The following TP63 variants were observed in gnomAD, a reference collection of about 807,000 sequenced individuals.
TP63 encodes the protein tumor protein 63.
A neutral mutation model predicts 82.8 loss-of-function variants in TP63; 17 were observed. The ratio of observed to expected loss-of-function variants is 0.21; its 90% CI spans 0.14 to 0.31. The LOEUF (loss-of-function observed/expected upper bound fraction) is 0.31. Among genes scored for constraint, TP63 ranks in the 10% least tolerant of loss-of-function variants. The probability of loss-of-function intolerance (pLI) is 1.00; values close to 1 mark genes in which losing one functional copy is unlikely to be tolerated. For synonymous variants in TP63, 330 were observed against 321.7 expected, an observed-to-expected ratio of 1.03 and a Z score of -0.28; for missense variants, 648 against 895.3, an observed-to-expected ratio of 0.72 and a Z score of 3.52.
At chr3:189,861,941 T>C (rs1717096953) in intron 4 of TP63, among the ~76,000 whole-genome samples, 1 of 152,226 alleles carries the variant, frequency 6.6e-6, no homozygotes, top group Non-Finnish European at 1.5e-5. Context: ...AATTATCTGT[T>C]ATCTACAATT....
At chr3:189,771,362 T>TTA (rs1282936773) in intron 3 of TP63, among the ~76,000 whole-genome samples, 62 of 136,614 alleles carry the variant, frequency 4.5e-4, no homozygotes, top group African/African-American at 1.6e-3. Flanking sequence ...ATTAAATATA[T>TTA]AATATATTCA....
At chr3:189,806,001 G>A (rs1726844861) in intron 3 of TP63, among the ~76,000 whole-genome samples, 1 of 142,052 alleles carries the variant, frequency 7.0e-6, no homozygotes, top group Non-Finnish European at 1.5e-5. Flanking sequence ...TGGATCTCCT[G>A]CTGTTCAGAA....
At chr3:189,659,070 A>T (rs74993514) in intron 1 of TP63, among the ~76,000 whole-genome samples, 253 of 152,138 alleles carry the variant, frequency 1.7e-3, no homozygotes, top group African/African-American at 5.8e-3. Context: ...ATTTTTAATT[A>T]TTTCAACTTT....
At chr3:189,729,817 G>A (rs1720030799) in intron 1 of TP63, among the ~76,000 whole-genome samples, 1 of 152,106 alleles carries the variant, frequency 6.6e-6, no homozygotes, top group Non-Finnish European at 1.5e-5. Flanking sequence ...TCAAGTTTAT[G>A]AATAAATTTA....
chr3:189,886,785 A>C (rs1024847882), intron 11 of TP63, among the ~76,000 whole-genome samples: 1 of 152,128 alleles, frequency 6.6e-6, no homozygotes. Flanking sequence ...TGTAGGGATA[A>C]GGATTTCTGT....
chr3:189,741,371 T>A (rs1720974945), intron 3 of TP63, among the ~76,000 whole-genome samples: 1 of 152,186 alleles, frequency 6.6e-6, no homozygotes, highest in Non-Finnish European at 1.5e-5. Context: ...ACCCAGGATG[T>A]TAATAGCTAG....
At chr3:189,608,118 C>CA in the TP63 span, among the ~76,000 whole-genome samples, 1 of 152,040 alleles carries the variant, frequency 6.6e-6, no homozygotes, top group Non-Finnish European at 1.5e-5. Context: ...TGGAGGTAAT[C>CA]AAATTTCAGT....
At chr3:189,659,219 A>G (rs1263559094) in intron 1 of TP63, among the ~76,000 whole-genome samples, 1 of 151,582 alleles carries the variant, frequency 6.6e-6, no homozygotes, top group Admixed American at 6.6e-5. Context: ...CTCATTCCCC[A>G]CTCTAGTAGT....
At chr3:189,678,266 G>C (rs1040377294) in intron 1 of TP63, among the ~76,000 whole-genome samples, 4 of 152,008 alleles carry the variant, frequency 2.6e-5, no homozygotes, top group Non-Finnish European at 5.9e-5. Context: ...GTTAATTTTT[G>C]CATATAGTAA....
the TP63 span, among the ~76,000 whole-genome samples, chr3:189,621,599 A>G: frequency 1.3e-5 from 2 of 152,060 alleles, no homozygotes; most frequent in Non-Finnish European, 2.9e-5. Flanking sequence ...ATATACACAT[A>G]AATGTGCATA....
At chr3:189,845,982 A>C (rs1490252243) in intron 4 of TP63, among the ~76,000 whole-genome samples, 1 of 151,806 alleles carries the variant, frequency 6.6e-6, no homozygotes, top group East Asian at 1.9e-4. Flanking sequence ...GTGTTGAAAA[A>C]TTACGCAGGT....
chr3:189,881,110 A>G (rs938569654), intron 10 of TP63: 8 of 985,266 alleles, frequency 8.1e-6, no homozygotes, highest in East Asian at 1.1e-4. Context: ...TAGAGCTTCT[A>G]TCCCTCAAGC....
chr3:189,785,000 C>T (rs778541549), intron 3 of TP63, among the ~76,000 whole-genome samples: 1 of 152,026 alleles, frequency 6.6e-6, no homozygotes, highest in Admixed American at 6.6e-5. Context: ...CTGCAGCAGC[C>T]TGGAAAGCCC....
At chr3:189,811,930 T>G (rs1364664905) in intron 4 of TP63, among the ~76,000 whole-genome samples, 2 of 152,208 alleles carry the variant, frequency 1.3e-5, no homozygotes, top group Non-Finnish European at 2.9e-5. Flanking sequence ...TAAAGAAATT[T>G]TTTGTGCCTT....
intron 3 of TP63, among the ~76,000 whole-genome samples, chr3:189,798,469 T>G (rs1560194098): frequency 6.6e-6 from 1 of 152,138 alleles, no homozygotes; most frequent in African/African-American, 2.4e-5. Context: ...TTTCACATAA[T>G]TGATTACTCA....
Position 189,738,778 on chromosome 3 carries a change from A to G in TP63, c.324+4A>G. ...GGACCTGAGTGACCCCATGTGGGTG[A>G]GTGGCACAGGCTTTCTCTTCAGTCT... On this transcript the variant is annotated splice_donor_region_variant and intron_variant, in intron 3 of 13. Transcript: ENST00000264731. 1 of 1,614,006 alleles carries G rather than the reference A, an allele frequency of 6.2e-7. No homozygotes were observed. The highest frequency in any genetic ancestry group is 1.7e-5 in the Admixed American group (1 of 60,016).
the TP63 span, among the ~76,000 whole-genome samples, chr3:189,605,957 C>T: frequency 6.6e-6 from 1 of 152,120 alleles, no homozygotes; most frequent in Non-Finnish European, 1.5e-5. Context: ...CAATGTAAGA[C>T]AACTACCGGG....
At chr3:189,736,205 ACTCTTT>A (rs1356953436) in intron 1 of TP63, among the ~76,000 whole-genome samples, 3 of 150,266 alleles carry the variant, frequency 2.0e-5, no homozygotes, top group Non-Finnish European at 3.0e-5. Flanking sequence ...ATACACACAC[ACTCTTT>A]CTCTGTCTCT....
chr3:189,864,378 G>C lies in TP63; in HGVS notation c.726G>C (p.Lys242Asn). ...KKAEHVTEVV[K>N]RCPNHELSRE... ...CTGAGCACGTCACGGAGGTGGTGAA[G>C]CGGTGCCCCAACCATGAGCTGAGCC... The change falls in exon 5 of 14, where the codon AAG becomes AAC. Residue 242 changes from lysine (K) to asparagine (N), a missense_variant. By Grantham distance (94) the Lys-to-Asn change is moderately conservative. This residue lies in a region of TP63 where 64 missense variants were observed against 144.2 expected (regional missense o/e 0.44). Transcript: ENST00000264731. 6.2e-7 allele frequency: 1 copy of C among 1,614,014 alleles called. No individual in the cohort carries two copies. Among genetic ancestry groups the C allele is most frequent in the Non-Finnish European group, 8.5e-7 (1 of 1,179,936 alleles).
Sources: gnomAD v4.1 joint callset for allele counts (sites outside exome capture counted in the v4.1 genomes callset) on GRCh38, gnomAD v4.1.1 for gene constraint, gnomAD v4.1.1 regional missense constraint, MANE v1.5 for transcripts, NCBI Gene and HGNC (gene_info 2026-07-23, HGNC 2026-07-21) for gene names.